The following PTPRD variants were observed in gnomAD, a reference collection of about 807,000 sequenced individuals.
PTPRD encodes protein tyrosine phosphatase receptor type D, also known as receptor-type tyrosine-protein phosphatase delta.
In PTPRD, 34 loss-of-function variants were observed where a neutral mutation model predicts 214.5. The ratio of observed to expected loss-of-function variants is 0.16; its 90% CI spans 0.12 to 0.21. PTPRD has a LOEUF of 0.21. Ranked by LOEUF, PTPRD falls within the 10% of genes least tolerant of loss-of-function variation. The pLI is 1.00. For synonymous variants in PTPRD, 1,128 were observed against 845.7 expected (o/e 1.33, Z -5.79); for missense variants, 2,545 against 2,398.7 (o/e 1.06, Z -1.27).
At chr9:10,425,280 A>T (rs1348148284) in intron 2 of PTPRD, among the ~76,000 whole-genome samples, 1 of 151,984 alleles carries the variant, frequency 6.6e-6, no homozygotes, top group Non-Finnish European at 1.5e-5. Context: ...CTAAACAAAA[A>T]AAATCCAATA....
chr9:9,960,196 G>A (rs764288355), intron 4 of PTPRD, among the ~76,000 whole-genome samples: 7 of 143,596 alleles, frequency 4.9e-5, no homozygotes, highest in African/African-American at 1.8e-4. Context: ...GAAAAAAGGA[G>A]TATGAAAAAA....
chr9:10,259,053 C>G (rs1274296397), intron 3 of PTPRD, among the ~76,000 whole-genome samples: 2 of 151,970 alleles, frequency 1.3e-5, no homozygotes, highest in Non-Finnish European at 2.9e-5. Context: ...GACGGAGTCT[C>G]ACTCTGTCGC....
At chr9:10,345,855 T>C (rs975908811) in intron 2 of PTPRD, among the ~76,000 whole-genome samples, 4 of 152,184 alleles carry the variant, frequency 2.6e-5, no homozygotes, top group Admixed American at 6.5e-5. Context: ...TTCCACATGC[T>C]TGAAGTAATT....
chr9:8,526,667 A>T, intron 16 of PTPRD, 23 bp from the exon 17 acceptor site: 1 of 1,575,804 alleles, frequency 6.3e-7, no homozygotes, highest in Non-Finnish European at 8.6e-7. Context: ...TATGAATGCA[A>T]ATAAGATTAG....
At chr9:10,498,317 G>A (rs1208780142) in intron 2 of PTPRD, among the ~76,000 whole-genome samples, 2 of 151,848 alleles carry the variant, frequency 1.3e-5, no homozygotes, top group African/African-American at 2.4e-5. Flanking sequence ...GAGAGAAAAG[G>A]TTATCTTAAA....
At chr9:9,030,877 T>C (rs2099603120) in intron 10 of PTPRD, among the ~76,000 whole-genome samples, 1 of 152,036 alleles carries the variant, frequency 6.6e-6, no homozygotes, top group African/African-American at 2.4e-5. Flanking sequence ...TCTAAGATCC[T>C]TGAGGACCTT....
At chr9:9,715,490 AT>A (rs2097803171) in intron 7 of PTPRD, among the ~76,000 whole-genome samples, 1 of 152,082 alleles carries the variant, frequency 6.6e-6, no homozygotes, top group Admixed American at 6.6e-5. Flanking sequence ...TAAAAAATAT[AT>A]TTTCTACAAC....
chr9:9,180,132 G>A (rs10977549), intron 10 of PTPRD, among the ~76,000 whole-genome samples: 22,189 of 151,162 alleles, frequency 0.15, 2,088 homozygotes, highest in Admixed American at 0.25. Flanking sequence ...ATGCTGCTAT[G>A]AAGACACATG....
intron 7 of PTPRD, among the ~76,000 whole-genome samples, chr9:9,707,552 T>A (rs950405118): frequency 6.6e-6 from 1 of 152,156 alleles, no homozygotes; most frequent in African/African-American, 2.4e-5. Flanking sequence ...GTGATTATTG[T>A]TTAATTTTAC....
At chr9:9,357,671 A>G (rs1476770813) in intron 9 of PTPRD, among the ~76,000 whole-genome samples, 1 of 151,088 alleles carries the variant, frequency 6.6e-6, no homozygotes, top group African/African-American at 2.4e-5. Context: ...TACCACAATA[A>G]AATTATTAAA....
chr9:8,553,647 T>C (rs1010207546), intron 14 of PTPRD, among the ~76,000 whole-genome samples: 2 of 152,196 alleles, frequency 1.3e-5, no homozygotes, highest in Admixed American at 6.5e-5. Flanking sequence ...CATTCTAAAA[T>C]GTATGCTCTC....
intron 7 of PTPRD, among the ~76,000 whole-genome samples, chr9:9,582,233 C>G (rs747574518): frequency 6.6e-6 from 1 of 152,076 alleles, no homozygotes; most frequent in African/African-American, 2.4e-5. Flanking sequence ...AGATTAAGTT[C>G]TGGCAAAAGG....
At chr9:10,213,584 T>C (rs1343290822) in intron 3 of PTPRD, among the ~76,000 whole-genome samples, 1 of 152,098 alleles carries the variant, frequency 6.6e-6, no homozygotes, top group Non-Finnish European at 1.5e-5. Flanking sequence ...ACCACTAAAG[T>C]GTTGGAGGTT....
chr9:9,078,083 C>T (rs2099753796), intron 10 of PTPRD, among the ~76,000 whole-genome samples: 1 of 151,932 alleles, frequency 6.6e-6, no homozygotes, highest in Non-Finnish European at 1.5e-5. Context: ...ATTCTAAGAC[C>T]TTCATATAAC....
chr9:10,212,468 T>G (rs2099521845), intron 3 of PTPRD, among the ~76,000 whole-genome samples: 1 of 152,142 alleles, frequency 6.6e-6, no homozygotes, highest in Non-Finnish European at 1.5e-5. Context: ...AGATGAAATT[T>G]CAATTGATTG....
intron 8 of PTPRD, among the ~76,000 whole-genome samples, chr9:9,511,108 T>C (rs1389945610): frequency 1.3e-5 from 2 of 151,816 alleles, no homozygotes; most frequent in Non-Finnish European, 2.9e-5. Context: ...ATGTGTGTGA[T>C]TTGCAGATAG....
chr9:9,675,019 T>C (rs1021044309), intron 7 of PTPRD, among the ~76,000 whole-genome samples: 1 of 151,888 alleles, frequency 6.6e-6, no homozygotes, highest in African/African-American at 2.4e-5. Flanking sequence ...AACTAAAGAA[T>C]GAATTCTTCT....
intron 2 of PTPRD, among the ~76,000 whole-genome samples, chr9:10,401,709 TA>T (rs990762843): frequency 1.0e-4 from 15 of 149,920 alleles, no homozygotes; most frequent in African/African-American, 3.4e-4. Flanking sequence ...CATTCAGATA[TA>T]AAAAATAATT....
intron 3 of PTPRD, 50 bp from the exon 4 acceptor site, chr9:10,033,840 T>G (rs1444204809): frequency 2.0e-5 from 3 of 152,132 alleles, no homozygotes; most frequent in Non-Finnish European, 1.5e-5. Flanking sequence ...CTGGCAGTTG[T>G]ATTATGTCAC....
Sources: gnomAD v4.1 joint callset for allele counts (sites outside exome capture counted in the v4.1 genomes callset) on GRCh38, gnomAD v4.1.1 for gene constraint, MANE v1.5 for transcripts, NCBI Gene and HGNC (gene_info 2026-07-23, HGNC 2026-07-21) for gene names.